Variants in VBP1 observed in about 807,000 individuals in gnomAD.
VBP1 encodes VHL binding protein 1, also known as prefoldin subunit 3.
VBP1 carries 4 observed loss-of-function variants against 15.5 expected under a neutral mutation model. The ratio of observed to expected loss-of-function variants is 0.26; its 90% confidence interval spans 0.13 to 0.59. The LOEUF is 0.59. VBP1 is among the 20% of genes least tolerant of loss of function. The probability of loss-of-function intolerance (pLI) is 0.90; values close to 1 mark genes in which losing one functional copy is unlikely to be tolerated. For missense variants in VBP1, 108 were observed against 139.6 expected (o/e 0.77, Z 1.14); for synonymous variants, 61 against 52.1 (o/e 1.17, Z -0.74).
chrX:155,207,008 A>C (rs1432982999), intron 1 of VBP1, among the ~76,000 whole-genome samples: 2 of 111,404 alleles, frequency 1.8e-5, no homozygotes, highest in Admixed American at 1.9e-4. Flanking sequence ...AGGTAGAAGG[A>C]GTAGAACTGA....
intron 1 of VBP1, among the ~76,000 whole-genome samples, chrX:155,205,086 T>C (rs782758784): frequency 8.9e-6 from 1 of 112,232 alleles, no homozygotes; most frequent in Non-Finnish European, 1.9e-5. Flanking sequence ...TTGGCAAATT[T>C]TCATGATTTA....
At chrX:155,200,190 G>T (rs2074596801) in intron 1 of VBP1, among the ~76,000 whole-genome samples, 1 of 106,057 alleles carries the variant, frequency 9.4e-6, no homozygotes, top group Non-Finnish European at 1.9e-5. Flanking sequence ...GTCAACATTA[G>T]GCAGATCAAC....
intron 1 of VBP1, among the ~76,000 whole-genome samples, chrX:155,203,895 T>C (rs1274403327): frequency 4.5e-5 from 5 of 111,728 alleles, no homozygotes; most frequent in African/African-American, 1.6e-4. Context: ...ACAAAGATAG[T>C]TTGAGTAATA....
At chrX:155,217,568 C>T (rs1457275117) in intron 1 of VBP1, among the ~76,000 whole-genome samples, 2 of 111,743 alleles carry the variant, frequency 1.8e-5, no homozygotes, top group African/African-American at 6.5e-5. Context: ...TTTATTTATA[C>T]CACACTTGAT....
chrX:155,226,173 T>G (rs1440987451), intron 2 of VBP1, among the ~76,000 whole-genome samples: 1 of 112,093 alleles, frequency 8.9e-6, no homozygotes, highest in Non-Finnish European at 1.9e-5. Flanking sequence ...CTAGAACTGT[T>G]TTGCATATAT....
exon 2 of VBP1, chrX:155,208,950 G>A (rs887864010): frequency 7.0e-5 from 81 of 1,153,380 alleles, no homozygotes; most frequent in Non-Finnish European, 8.9e-5. Context: ...CTAAGGACCA[G>A]TAGTCCTTCC....
At chrX:155,236,424 A>G in intron 5 of VBP1, 57 bp downstream of exon 5, 1 of 1,152,532 alleles carries the variant, frequency 8.7e-7, no homozygotes, top group Non-Finnish European at 1.2e-6. Flanking sequence ...TTTTTAAAAA[A>G]ACATTCTTTC....
At chrX:155,212,483 C>T (rs782756803), upstream of VBP1, among the ~76,000 whole-genome samples, 17 of 111,267 alleles carry the variant, frequency 1.5e-4, no homozygotes, top group East Asian at 4.8e-3. Context: ...TAGTGACAAC[C>T]ATGGGATGCA....
chrX:155,208,808 T>A (rs1249680651), intron 1 of VBP1: 4 of 674,360 alleles, frequency 5.9e-6, no homozygotes, highest in Non-Finnish European at 8.9e-6. Flanking sequence ...CATGGTACTA[T>A]TGTATTAGGA....
chrX:155,228,058 C>T (rs1374980495), intron 3 of VBP1, among the ~76,000 whole-genome samples: 1 of 111,592 alleles, frequency 9.0e-6, no homozygotes, highest in Non-Finnish European at 1.9e-5. Context: ...ATGTCAGGCA[C>T]TCGGGGGTGT....
At chrX:155,228,726 A>G (rs1257301951) in intron 4 of VBP1, among the ~76,000 whole-genome samples, 1 of 111,900 alleles carries the variant, frequency 8.9e-6, no homozygotes, top group Non-Finnish European at 1.9e-5. Flanking sequence ...GTCTCTCCCA[A>G]TCAAGATAAA....
chrX:155,214,747 G>C (rs781814894), upstream of VBP1, among the ~76,000 whole-genome samples: 11 of 12,886 alleles, frequency 8.5e-4, no homozygotes, highest in African/African-American at 1.0e-3. Flanking sequence ...GCAAGAGGAA[G>C]GTTTTTTTTT....
chrX:155,239,358 A>T lies in VBP1; in HGVS notation c.*516A>T, dbSNP rs2074789059. ...GCTTAACGAATAACTAACTACTATG[A>T]TATTCTGGACATTTTAGGAAATGGT... On this transcript the variant is annotated 3_prime_UTR_variant, in exon 6 of 6. Transcript: ENST00000286428. The T allele has an allele frequency of 8.9e-6, 1 of 112,342 alleles. No homozygotes were observed. Among genetic ancestry groups the T allele is most frequent in the South Asian group, 3.6e-4 (1 of 2,752 alleles). The allele number at this position is 112,342 out of a possible 1,213,427, so 9.3% of individuals were successfully genotyped here.
At chrX:155,207,970 C>T in intron 1 of VBP1, among the ~76,000 whole-genome samples, 1 of 112,059 alleles carries the variant, frequency 8.9e-6, no homozygotes, top group Non-Finnish European at 1.9e-5. Flanking sequence ...AACATATTAA[C>T]CCTTAGCCTT....
chrX:155,211,518 C>G (rs1215836769), upstream of VBP1, among the ~76,000 whole-genome samples: 1 of 112,379 alleles, frequency 8.9e-6, no homozygotes, highest in African/African-American at 3.2e-5. Context: ...GCACTCGTCT[C>G]AGCTTCTCCT....
chrX:155,203,552 T>G (rs2074614772), intron 1 of VBP1, among the ~76,000 whole-genome samples: 1 of 94,952 alleles, frequency 1.1e-5, no homozygotes, highest in South Asian at 5.4e-4. Context: ...TAGGTGGGAA[T>G]TGAACAATGA....
chrX:155,208,695 G>T (rs144330967), intron 1 of VBP1, among the ~76,000 whole-genome samples: 198 of 111,594 alleles, frequency 1.8e-3, no homozygotes, highest in African/African-American at 5.9e-3. Context: ...CCCCTTCACA[G>T]ATACATTTTC....
chrX:155,201,164 C>T (rs1438237451), intron 1 of VBP1, among the ~76,000 whole-genome samples: 3 of 109,721 alleles, frequency 2.7e-5, no homozygotes, highest in South Asian at 7.8e-4. Context: ...GATTCACAGC[C>T]GAATTCTACC....
chrX:155,203,632 A>C (rs2074615389), intron 1 of VBP1, among the ~76,000 whole-genome samples: 1 of 86,134 alleles, frequency 1.2e-5, no homozygotes, highest in African/African-American at 4.3e-5. Context: ...GGGGGGAGGG[A>C]TACCATTAGG....
Sources: allele counts gnomAD v4.1 joint callset (sites outside exome capture counted in the v4.1 genomes callset), GRCh38; gene constraint gnomAD v4.1.1; transcripts MANE v1.5; gene names NCBI Gene and HGNC (gene_info 2026-07-23, HGNC 2026-07-21).